The following TULP4 variants were observed in gnomAD, a reference collection of about 807,000 sequenced individuals.
The protein encoded by TULP4 is tubby-related protein 4.
TULP4 carries 16 observed loss-of-function variants against 129.0 expected under a neutral mutation model. That is an observed-to-expected ratio of 0.12 (90% confidence interval 0.08 to 0.19). The LOEUF (loss-of-function observed/expected upper bound fraction) is 0.19. Ranked by LOEUF, TULP4 falls within the 10% of genes least tolerant of loss-of-function variation. The pLI, the probability that TULP4 is intolerant of heterozygous loss-of-function variation, is 1.00. For missense variants in TULP4, 1,842 were observed against 2,059.1 expected (o/e 0.89, Z 2.04); for synonymous variants, 998 against 854.0 (o/e 1.17, Z -2.94).
intron 8 of TULP4, among the ~76,000 whole-genome samples, chr6:158,487,102 G>T (rs893811556): frequency 7.6e-6 from 1 of 131,258 alleles, no homozygotes; most frequent in African/African-American, 3.0e-5. Context: ...GCAAAAATTA[G>T]CTGGGTGTGG....
At chr6:158,242,063 G>C (rs1777931643) in intron 1 of TULP4, 1 of 780,142 alleles carries the variant, frequency 1.3e-6, no homozygotes, top group Non-Finnish European at 2.3e-6. Flanking sequence ...GTTGGTTTTA[G>C]TAGTAGTATT....
intron 1 of TULP4, among the ~76,000 whole-genome samples, chr6:158,353,067 C>G (rs2114807381): frequency 6.6e-6 from 1 of 152,322 alleles, no homozygotes; most frequent in South Asian, 2.1e-4. Context: ...TTTCAGGCCC[C>G]AAATAAGGGT....
chr6:158,283,848 T>C (rs1416724536), intron 1 of TULP4, among the ~76,000 whole-genome samples: 2 of 152,236 alleles, frequency 1.3e-5, no homozygotes, highest in Non-Finnish European at 2.9e-5. Flanking sequence ...CTTGTGTTTT[T>C]CTTCACCCTC....
At chr6:158,397,577 G>T (rs1022748330) in intron 1 of TULP4, among the ~76,000 whole-genome samples, 1 of 151,460 alleles carries the variant, frequency 6.6e-6, no homozygotes, top group Non-Finnish European at 1.5e-5. Flanking sequence ...TTGTTTGTTT[G>T]TTTTTTGTCA....
At chr6:158,482,277 G>A (rs889395960) in intron 8 of TULP4, among the ~76,000 whole-genome samples, 1 of 152,146 alleles carries the variant, frequency 6.6e-6, no homozygotes, top group East Asian at 1.9e-4. Context: ...ACAGTGTGGT[G>A]GGCTTGCTCA....
intron 1 of TULP4, chr6:158,242,358 G>T: frequency 6.6e-7 from 1 of 1,514,916 alleles, no homozygotes; most frequent in Non-Finnish European, 9.1e-7. Flanking sequence ...GCTTTGAGCT[G>T]CAACAACTGC....
Position 158,502,980 on chromosome 6 carries a change from A to G in TULP4, c.3317A>G (p.His1106Arg), listed in dbSNP as rs747104798. Reference sequence around the variant, plus strand: ...TGTCAGCTTGAGAAGCCCTTGAGGCACCCTCCCCTGCCTGAAGCTGCTGTC... The same window carrying G: ...TGTCAGCTTGAGAAGCCCTTGAGGCGCCCTCCCCTGCCTGAAGCTGCTGTC... ...QHCQLEKPLR[H>R]PPLPEAAVTL... Residue 1106 changes from histidine to arginine, a missense_variant, in exon 13 of 14, where the codon CAC becomes CGC. His to Arg is a conservative substitution (Grantham distance 29). This residue lies in a region of TULP4 where 1,089 missense variants were observed against 987.1 expected (regional missense o/e 1.10). Coordinates refer to ENST00000367097, the MANE Select transcript of TULP4 (RefSeq NM_020245.5). The G allele has an allele frequency of 1.2e-6, 2 of 1,613,722 alleles. No individual in the cohort carries two copies. The highest frequency in any genetic ancestry group is 1.1e-5 in the South Asian group (1 of 91,052).
chr6:158,413,044 G>A lies in TULP4; in HGVS notation c.253-21G>A, dbSNP rs1778131695. The A allele has an allele frequency of 3.8e-6, 6 of 1,597,512 alleles. No homozygotes were observed. Among genetic ancestry groups the A allele is most frequent in the Non-Finnish European group, 5.1e-6 (6 of 1,169,898 alleles). On this transcript the variant is annotated intron_variant, in intron 1 of 13. Coordinates refer to ENST00000367097, the MANE Select transcript of TULP4 (RefSeq NM_020245.5). The surrounding 1 kb of genome is among the most constrained non-coding windows in gnomAD (Gnocchi z 4.9). ...CACAGATTTATTTCCTGTGGTAAAT[G>A]TCTTCTTGGTGGTTTTCTAGGTTGT... is the stretch of plus-strand genomic sequence containing the variant.
Position 158,440,156 on chromosome 6 carries a change from C to T in TULP4, c.544-8840C>T, listed in dbSNP as rs370773206. Among the ~76,000 whole-genome samples the T allele has an allele frequency of 5.3e-5, 8 of 151,640 alleles. 1 individual carries two copies. The highest frequency in any genetic ancestry group is 1.9e-4 in the African/African-American group (8 of 41,370). ...GCAACATGACAAAACCCTGTCTCTA[C>T]AAAAAATACAAAAATTATCCGGGTG... On this transcript the variant is annotated intron_variant, in intron 3 of 13. Transcript: ENST00000367097.
At chr6:158,272,965 T>G (rs1368793533) in intron 1 of TULP4, among the ~76,000 whole-genome samples, 2 of 152,200 alleles carry the variant, frequency 1.3e-5, no homozygotes, top group Non-Finnish European at 2.9e-5. Context: ...TGACCTGGCT[T>G]TGGGAATCTG....
intron 1 of TULP4, among the ~76,000 whole-genome samples, chr6:158,298,233 T>C (rs190784258): frequency 1.7e-4 from 25 of 150,730 alleles, no homozygotes; most frequent in African/African-American, 6.2e-4. Flanking sequence ...CAAACACACA[T>C]GTTTTACAAT....
chr6:158,253,407 C>G (rs185712931), intron 1 of TULP4, among the ~76,000 whole-genome samples: 27 of 152,202 alleles, frequency 1.8e-4, no homozygotes, highest in Non-Finnish European at 3.2e-4. Context: ...TCTGCCCTGC[C>G]GTAAGTGGAG....
intron 1 of TULP4, among the ~76,000 whole-genome samples, chr6:158,363,486 T>C (rs1291809481): frequency 2.0e-5 from 3 of 152,348 alleles, no homozygotes; most frequent in Middle Eastern, 3.4e-3. Flanking sequence ...TTTTTTGTTT[T>C]TGTTTGTTTT....
chr6:158,389,447 TTCTC>T (rs1289797865), intron 1 of TULP4, among the ~76,000 whole-genome samples: 4 of 151,686 alleles, frequency 2.6e-5, no homozygotes, highest in East Asian at 1.9e-4. Flanking sequence ...GAGTAAGACT[TTCTC>T]TCTCTCTCTC....
intron 1 of TULP4, among the ~76,000 whole-genome samples, chr6:158,411,937 C>T (rs900527132): frequency 6.6e-6 from 1 of 152,166 alleles, no homozygotes; most frequent in Non-Finnish European, 1.5e-5. Flanking sequence ...ACACCAGTGC[C>T]ACATGTTCAC....
intron 1 of TULP4, among the ~76,000 whole-genome samples, chr6:158,349,822 CAG>C (rs1780455370): frequency 5.4e-5 from 6 of 110,794 alleles, no homozygotes; most frequent in East Asian, 2.9e-4. Context: ...CCTCACCTCC[CAG>C]ATGGGGCGGC....
chr6:158,439,925 A>G (rs1778848085), intron 3 of TULP4, among the ~76,000 whole-genome samples: 2 of 151,282 alleles, frequency 1.3e-5, no homozygotes, highest in Non-Finnish European at 3.0e-5. Context: ...GTTAGCCAGG[A>G]TGGTCTCGAT....
intron 1 of TULP4, among the ~76,000 whole-genome samples, chr6:158,365,899 CTTTTTTTTT>C (rs5881257): frequency 3.5e-5 from 2 of 57,542 alleles, no homozygotes; most frequent in African/African-American, 7.3e-5. Context: ...CTTTTTCTTT[CTTTTTTTTT>C]TTTTTTTTTT....
At chr6:158,392,477 A>G (rs1451428659) in intron 1 of TULP4, among the ~76,000 whole-genome samples, 1 of 152,228 alleles carries the variant, frequency 6.6e-6, no homozygotes. Context: ...ACCATTTGTC[A>G]TAAGCTCAAG....
Sources: gnomAD v4.1 joint callset for allele counts (sites outside exome capture counted in the v4.1 genomes callset) on GRCh38, gnomAD v4.1.1 for gene constraint, gnomAD v4.1.1 regional missense constraint, Gnocchi (gnomAD v3.1) non-coding constraint, MANE v1.5 for transcripts, NCBI Gene and HGNC (gene_info 2026-07-23, HGNC 2026-07-21) for gene names.